Variants in NRXN1 observed in about 807,000 individuals in gnomAD.
The protein encoded by NRXN1 is neurexin-1.
In NRXN1, 39 loss-of-function variants were observed where a neutral mutation model predicts 150.9. The ratio of observed to expected loss-of-function variants is 0.26; its 90% CI spans 0.20 to 0.34. The LOEUF is 0.34. Among genes scored for constraint, NRXN1 ranks in the 10% least tolerant of loss-of-function variants. The pLI is 1.00. For synonymous variants in NRXN1, 924 were observed against 757.0 expected, an observed-to-expected ratio of 1.22 and a Z score of -3.62; for missense variants, 1,815 against 1,949.9, an observed-to-expected ratio of 0.93 and a Z score of 1.30.
At chr2:50,243,404 T>C (rs1288763383) in intron 17 of NRXN1, among the ~76,000 whole-genome samples, 1 of 151,792 alleles carries the variant, frequency 6.6e-6, no homozygotes, top group Non-Finnish European at 1.5e-5. Context: ...TAAAGCATTT[T>C]TTAATTATTA....
chr2:50,335,784 T>C (rs1167004987), intron 17 of NRXN1, among the ~76,000 whole-genome samples: 1 of 152,178 alleles, frequency 6.6e-6, no homozygotes, highest in Non-Finnish European at 1.5e-5. Flanking sequence ...TTCAACCCTT[T>C]GTCTTTTACT....
At chr2:50,743,453 C>A (rs1283552431) in intron 5 of NRXN1, among the ~76,000 whole-genome samples, 2 of 152,026 alleles carry the variant, frequency 1.3e-5, no homozygotes, top group African/African-American at 4.8e-5. Flanking sequence ...TTTATGTTAG[C>A]TGGGAAATGG....
intron 5 of NRXN1, among the ~76,000 whole-genome samples, chr2:50,740,723 C>A (rs1489516182): frequency 1.3e-5 from 2 of 152,070 alleles, no homozygotes; most frequent in Non-Finnish European, 2.9e-5. Context: ...TAATCTCCCC[C>A]ACTTTTTATG....
intron 8 of NRXN1, among the ~76,000 whole-genome samples, chr2:50,572,852 C>G (rs1170888501): frequency 3.9e-5 from 6 of 152,120 alleles, no homozygotes; most frequent in African/African-American, 1.4e-4. Context: ...GAATGAGGGT[C>G]AAGGTATTGA....
At chr2:50,692,721 G>A (rs1692248602) in intron 5 of NRXN1, among the ~76,000 whole-genome samples, 1 of 151,642 alleles carries the variant, frequency 6.6e-6, no homozygotes, top group Non-Finnish European at 1.5e-5. Flanking sequence ...TTTCCCCTTG[G>A]GTAGTATGAT....
chr2:50,446,529 C>T (rs199849388), intron 17 of NRXN1, among the ~76,000 whole-genome samples: 1 of 130,318 alleles, frequency 7.7e-6, no homozygotes, highest in South Asian at 3.0e-4. Flanking sequence ...TCCCTCCCTT[C>T]CTTCCTTCCC....
chr2:50,219,948 TATATAA>T lies in NRXN1; in HGVS notation c.3546+16835_3546+16840del, dbSNP rs1559115373. 3.0e-4 allele frequency among the ~76,000 whole-genome samples: 20 copies of T among 66,944 alleles called. 1 individual carries two copies. The highest frequency in any genetic ancestry group is 4.9e-4 in the Admixed American group (3 of 6,142). 43.9% of individuals were successfully genotyped at this position (66,944 alleles called of 152,430 possible). A position where few individuals can be genotyped will look rare whatever the true frequency, so the allele number is the denominator to read the frequency against. On this transcript the variant is annotated intron_variant, in intron 18 of 22. Coordinates refer to ENST00000401669, the MANE Select transcript of NRXN1 (RefSeq NM_001330078.2). ...TATATTATATATATTATATATTATA[TATATAA>T]TATATATATTATATATATATAATAT...
intron 18 of NRXN1, among the ~76,000 whole-genome samples, chr2:50,092,301 C>A (rs927135345): frequency 2.4e-4 from 36 of 152,118 alleles, no homozygotes; most frequent in African/African-American, 8.5e-4. Context: ...TATAAGGTGG[C>A]AAAGAGAAAC....
intron 17 of NRXN1, among the ~76,000 whole-genome samples, chr2:50,253,591 C>T (rs552686946): frequency 1.3e-5 from 2 of 152,158 alleles, no homozygotes; most frequent in South Asian, 4.2e-4. Flanking sequence ...GTTACATTAA[C>T]ACCTAGTTTA....
intron 2 of NRXN1, among the ~76,000 whole-genome samples, chr2:51,025,157 C>T (rs1158321283): frequency 6.6e-6 from 1 of 152,136 alleles, no homozygotes; most frequent in African/African-American, 2.4e-5. Context: ...TTTTGTTTTC[C>T]TTCTACGTTT....
At chr2:50,048,272 A>G (rs1387370502) in intron 21 of NRXN1, among the ~76,000 whole-genome samples, 2 of 152,184 alleles carry the variant, frequency 1.3e-5, no homozygotes, top group Non-Finnish European at 2.9e-5. Flanking sequence ...AATTTGCTGT[A>G]AAAATGTACA....
At chr2:50,735,636 C>A (rs72837042) in intron 5 of NRXN1, among the ~76,000 whole-genome samples, 12,316 of 152,150 alleles carry the variant, frequency 0.081, 622 homozygotes, top group Non-Finnish European at 0.11. Context: ...AAATAAATAT[C>A]CTATTGTAAT....
intron 18 of NRXN1, among the ~76,000 whole-genome samples, chr2:50,212,860 G>A (rs2063133572): frequency 6.6e-6 from 1 of 151,932 alleles, no homozygotes; most frequent in Non-Finnish European, 1.5e-5. Context: ...CAAGGGTCAG[G>A]TAGGTACCAG....
intron 17 of NRXN1, among the ~76,000 whole-genome samples, chr2:50,262,584 A>G (rs781539870): frequency 6.6e-6 from 1 of 152,068 alleles, no homozygotes; most frequent in Non-Finnish European, 1.5e-5. Context: ...TTAGAAGAAC[A>G]GAATCATTCC....
intron 18 of NRXN1, among the ~76,000 whole-genome samples, chr2:50,145,027 T>C (rs1043819642): frequency 6.6e-6 from 1 of 151,786 alleles, no homozygotes; most frequent in Non-Finnish European, 1.5e-5. Flanking sequence ...CTATTTAAAA[T>C]ATGAGATGCT....
At chr2:50,211,396 C>G (rs1328609364) in intron 18 of NRXN1, among the ~76,000 whole-genome samples, 1 of 151,472 alleles carries the variant, frequency 6.6e-6, no homozygotes, top group African/African-American at 2.4e-5. Context: ...TAATAATCAA[C>G]TATTTCTTCT....
intron 18 of NRXN1, among the ~76,000 whole-genome samples, chr2:50,173,965 A>T (rs1448799462): frequency 6.6e-6 from 1 of 152,108 alleles, no homozygotes; most frequent in Non-Finnish European, 1.5e-5. Flanking sequence ...ATATGCACTA[A>T]GTGTCTTTCT....
chr2:50,864,186 T>C (rs966813952), intron 5 of NRXN1, among the ~76,000 whole-genome samples: 8 of 152,046 alleles, frequency 5.3e-5, no homozygotes, highest in Non-Finnish European at 8.8e-5. Flanking sequence ...GATTCATGCA[T>C]GCATTCATCC....
At chr2:50,260,854 C>G (rs965941985) in intron 17 of NRXN1, among the ~76,000 whole-genome samples, 2 of 151,726 alleles carry the variant, frequency 1.3e-5, no homozygotes, top group Admixed American at 1.3e-4. Context: ...ACTCAAAATC[C>G]TCAGGAGATC....
Sources: gnomAD v4.1 joint callset for allele counts (sites outside exome capture counted in the v4.1 genomes callset) on GRCh38, gnomAD v4.1.1 for gene constraint, MANE v1.5 for transcripts, NCBI Gene and HGNC (gene_info 2026-07-23, HGNC 2026-07-21) for gene names.